UGT1A6: variants seen among roughly 807,000 people sequenced by gnomAD.
UGT1A6 encodes UDP-glucuronosyltransferase 1A6.
UGT1A6 carries 32 observed loss-of-function variants against 44.4 expected under a neutral mutation model. The ratio of observed to expected loss-of-function variants is 0.72; its 90% CI spans 0.54 to 0.97. UGT1A6 has a LOEUF of 0.97. UGT1A6 is among the 50% of genes least tolerant of loss of function. The probability of loss-of-function intolerance (pLI) is 0.00; values close to 1 mark genes in which losing one functional copy is unlikely to be tolerated. For missense variants in UGT1A6, 685 were observed against 661.9 expected, an observed-to-expected ratio of 1.03 and a Z score of -0.38; for synonymous variants, 238 against 248.5, an observed-to-expected ratio of 0.96 and a Z score of 0.40.
In UGT1A6 at chr2:233,768,234, C is replaced by G. The variant is rs55750087; in HGVS notation, c.1096C>G (p.Arg366Gly). 2 of 1,614,044 alleles carry G rather than the reference C, an allele frequency of 1.2e-6. No homozygotes were observed. The highest frequency in any genetic ancestry group is 4.5e-5 in the East Asian group (2 of 44,882). Reference protein sequence around the residue: ...QNDLLGHPMTRAFITHAGSHG... With the variant: ...QNDLLGHPMTGAFITHAGSHG... ...TTGCATCTCAGGTCACCCGATGACCCGTGCCTTTATCACCCATGCTGGTTC... is the reference window on the plus strand; with the variant it reads ...TTGCATCTCAGGTCACCCGATGACCGGTGCCTTTATCACCCATGCTGGTTC... Residue 366 changes from arginine (R) to glycine (G), a missense_variant, in exon 4 of 5, where the codon CGT becomes GGT. Arg to Gly is a moderately radical substitution (Grantham distance 125). Coordinates refer to ENST00000305139, the MANE Select transcript of UGT1A6 (RefSeq NM_001072.4).
intron 1 of UGT1A6, among the ~76,000 whole-genome samples, chr2:233,699,316 A>G (rs1346497973): frequency 6.6e-6 from 1 of 151,896 alleles, no homozygotes; most frequent in African/African-American, 2.4e-5. Context: ...CCTTTTTGCT[A>G]TTTTGTTGAG....
At chr2:233,742,811 A>G (rs1335727618) in intron 1 of UGT1A6, 2 of 153,508 alleles carry the variant, frequency 1.3e-5, no homozygotes, top group Non-Finnish European at 2.9e-5. Flanking sequence ...AAGTATTGAT[A>G]TTATTTGTAG....
At chr2:233,766,998 GA>G in intron 1 of UGT1A6, 35 bp from the exon 2 acceptor site, 1 of 1,613,532 alleles carries the variant, frequency 6.2e-7, no homozygotes, top group South Asian at 1.1e-5. Context: ...AAGAATATGA[GA>G]AAAAATTAAC....
intron 1 of UGT1A6, among the ~76,000 whole-genome samples, chr2:233,695,331 G>A (rs1032030630): frequency 4.8e-4 from 73 of 151,796 alleles, no homozygotes; most frequent in African/African-American, 1.7e-3. Context: ...TCACCACGTT[G>A]GCCAGGATGG....
chr2:233,737,856 T>C (rs1690612463), intron 1 of UGT1A6, among the ~76,000 whole-genome samples: 1 of 152,152 alleles, frequency 6.6e-6, no homozygotes, highest in Admixed American at 6.5e-5. Context: ...ACTCTTGCTA[T>C]GCCCCTTAAG....
At chr2:233,710,728 A>G (rs1187864039) in intron 1 of UGT1A6, among the ~76,000 whole-genome samples, 1 of 152,210 alleles carries the variant, frequency 6.6e-6, no homozygotes, top group African/African-American at 2.4e-5. Flanking sequence ...TTAAAAAACA[A>G]CGTCTTTCAA....
At chr2:233,747,985 G>A (rs1693830489) in intron 1 of UGT1A6, 11 of 1,613,486 alleles carry the variant, frequency 6.8e-6, no homozygotes, top group South Asian at 5.5e-5. Flanking sequence ...TGGCTGTTCC[G>A]AGGGGACTTT....
chr2:233,731,901 A>G (rs1358657529), intron 1 of UGT1A6, among the ~76,000 whole-genome samples: 15 of 152,182 alleles, frequency 9.9e-5, no homozygotes, highest in Non-Finnish European at 1.9e-4. Flanking sequence ...ACTCCCACCA[A>G]TGGTGTAAAA....
chr2:233,700,685 T>C lies in UGT1A6; in HGVS notation c.861+6820T>C, dbSNP rs1275068404. On this transcript the variant is annotated intron_variant, in intron 1 of 4. Coordinates refer to ENST00000305139, the MANE Select transcript of UGT1A6 (RefSeq NM_001072.4). ...TTTTCAGCACAAATTCGTGATAATA[T>C]ATAAACTACACTTTGAATGTTTTTT... Among the ~76,000 whole-genome samples, 59 of 152,174 alleles carry C rather than the reference T, an allele frequency of 3.9e-4. 3 individuals are homozygous for C. Among genetic ancestry groups the C allele is most frequent in the Admixed American group, 3.9e-3 (59 of 15,284 alleles).
At chr2:233,755,166 T>C in intron 1 of UGT1A6, 2 of 1,275,566 alleles carry the variant, frequency 1.6e-6, no homozygotes, top group Non-Finnish European at 2.1e-6. Context: ...GTCCTCGGGG[T>C]TTTTGTCGGG....
At chr2:233,758,396 C>T (rs560244610) in intron 1 of UGT1A6, among the ~76,000 whole-genome samples, 1 of 152,294 alleles carries the variant, frequency 6.6e-6, no homozygotes, top group South Asian at 2.1e-4. Flanking sequence ...GTGTTTATAG[C>T]CCCTTTACTG....
chr2:233,725,317 C>CT lies in UGT1A6; in HGVS notation c.861+31452_861+31453insT, dbSNP rs1559370683. Among the ~76,000 whole-genome samples, 2 of 37,458 alleles carry CT rather than the reference C, an allele frequency of 5.3e-5. 1 individual carries two copies. Among genetic ancestry groups the CT allele is most frequent in the African/African-American group, 6.3e-4 (2 of 3,170 alleles). 24.6% of individuals were successfully genotyped at this position (37,458 alleles called of 152,430 possible). A position where few individuals can be genotyped will look rare whatever the true frequency, so the allele number is the denominator to read the frequency against. On this transcript the variant is annotated intron_variant, in intron 1 of 4. Coordinates refer to ENST00000305139, the MANE Select transcript of UGT1A6 (RefSeq NM_001072.4). ...GCAGAGGCAGAGGCAGAGGCAGAGGCGCCTGGTCAACAATCTTAAGTCCAA... is the reference window on the plus strand; with the variant it reads ...GCAGAGGCAGAGGCAGAGGCAGAGGCTGCCTGGTCAACAATCTTAAGTCCAA...
At chr2:233,750,510 T>C (rs565350753) in intron 1 of UGT1A6, 3 of 152,104 alleles carry the variant, frequency 2.0e-5, no homozygotes, top group South Asian at 4.1e-4. Flanking sequence ...AAATGTTAAT[T>C]GCCAAGACAA....
At chr2:233,767,960 T>C (rs769330196) in intron 3 of UGT1A6, 24 bp downstream of exon 3, 3 of 1,614,200 alleles carry the variant, frequency 1.9e-6, no homozygotes, top group Non-Finnish European at 2.5e-6. Context: ...ATTGGATGTA[T>C]AGGTCAAACC....
chr2:233,711,133 G>C (rs1434131378), intron 1 of UGT1A6, among the ~76,000 whole-genome samples: 1 of 152,222 alleles, frequency 6.6e-6, no homozygotes, highest in Non-Finnish European at 1.5e-5. Flanking sequence ...CCTGGAAGCT[G>C]ATGCCTTGGG....
chr2:233,766,981 G>C lies in UGT1A6; in HGVS notation c.862-53G>C, dbSNP rs1699300845. On this transcript the variant is annotated intron_variant, in intron 1 of 4. Coordinates refer to ENST00000305139, the MANE Select transcript of UGT1A6 (RefSeq NM_001072.4). Reference sequence around the variant, plus strand: ...TCTAATTCATAACTTACTGTATGTAGTCATCAAAGAATATGAGAAAAAATT... The same window carrying C: ...TCTAATTCATAACTTACTGTATGTACTCATCAAAGAATATGAGAAAAAATT... 1.9e-6 allele frequency: 3 copies of C among 1,612,648 alleles called. No individual in the cohort carries two copies. In the East Asian group the frequency reaches 6.7e-5, roughly 36 times the overall value.
chr2:233,748,845 C>T (rs936990961), intron 1 of UGT1A6, among the ~76,000 whole-genome samples: 6 of 151,120 alleles, frequency 4.0e-5, no homozygotes, highest in East Asian at 1.9e-4. Context: ...AAACTGTGAG[C>T]GTATAAGCCC....
chr2:233,762,807 C>G (rs1458193268), intron 1 of UGT1A6, among the ~76,000 whole-genome samples: 1 of 151,450 alleles, frequency 6.6e-6, no homozygotes, highest in Non-Finnish European at 1.5e-5. Flanking sequence ...GCTATCTCAT[C>G]AAAATATTGA....
intron 1 of UGT1A6, among the ~76,000 whole-genome samples, chr2:233,756,939 C>G (rs1402557459): frequency 1.3e-5 from 2 of 151,990 alleles, no homozygotes; most frequent in African/African-American, 4.8e-5. Flanking sequence ...GTTACATAAC[C>G]TGAAACCCGG....
Sources: allele counts gnomAD v4.1 joint callset (sites outside exome capture counted in the v4.1 genomes callset), GRCh38; gene constraint gnomAD v4.1.1; transcripts MANE v1.5; gene names NCBI Gene and HGNC (gene_info 2026-07-23, HGNC 2026-07-21).